OTUD7B: variants seen among roughly 807,000 people sequenced by gnomAD.
OTUD7B encodes OTU deubiquitinase 7B.
In OTUD7B, 34 loss-of-function variants were observed where a neutral mutation model predicts 82.2. The ratio of observed to expected loss-of-function variants is 0.41; its 90% CI spans 0.31 to 0.55. OTUD7B has a LOEUF of 0.55. OTUD7B is among the 20% of genes least tolerant of loss of function. The pLI is 0.20. For synonymous variants in OTUD7B, 398 were observed against 402.7 expected, an observed-to-expected ratio of 0.99 and a Z score of 0.14; for missense variants, 944 against 1,062.1, an observed-to-expected ratio of 0.89 and a Z score of 1.55.
At chr1:149,995,836 C>T (rs1553783252) in intron 1 of OTUD7B, among the ~76,000 whole-genome samples, 1 of 152,188 alleles carries the variant, frequency 6.6e-6, no homozygotes, top group East Asian at 1.9e-4. Flanking sequence ...AACAAGTCCT[C>T]TCTTAGATAG....
chr1:149,997,105 G>C (rs1281628864), intron 1 of OTUD7B, among the ~76,000 whole-genome samples: 2 of 152,178 alleles, frequency 1.3e-5, no homozygotes, highest in Non-Finnish European at 2.9e-5. Context: ...TTAAATAACA[G>C]TGCCAGTCCC....
At chr1:149,973,899 C>T (rs1277850582) in intron 2 of OTUD7B, among the ~76,000 whole-genome samples, 2 of 149,674 alleles carry the variant, frequency 1.3e-5, no homozygotes, top group Non-Finnish European at 3.0e-5. Flanking sequence ...TTTCTGTTGC[C>T]CAGGCTGGAG....
chr1:149,981,299 A>G (rs868915492), intron 1 of OTUD7B, among the ~76,000 whole-genome samples: 1 of 152,222 alleles, frequency 6.6e-6, no homozygotes, highest in African/African-American at 2.4e-5. Context: ...GAATCCTTCT[A>G]TTACATCTCT....
chr1:150,005,073 A>C (rs1018689774), intron 1 of OTUD7B, among the ~76,000 whole-genome samples: 10 of 152,154 alleles, frequency 6.6e-5, no homozygotes, highest in African/African-American at 2.4e-4. Context: ...CCTCTGTGAC[A>C]TAACTACCTG....
the OTUD7B span, among the ~76,000 whole-genome samples, chr1:150,022,355 G>C: frequency 7.1e-6 from 1 of 139,966 alleles, no homozygotes; most frequent in Admixed American, 7.9e-5. Flanking sequence ...CCAAGATCGT[G>C]CCATTGCACT....
chr1:149,943,830 C>T lies in OTUD7B; in HGVS notation c.*27G>A. On this transcript the variant is annotated 3_prime_UTR_variant, in exon 12 of 12. Transcript: ENST00000581312. ...TTAGTTGAGCTTAACTTTGTTTAGC[C>T]TCCTTGCCCTTCAGTGTTCCACCCG... 6.2e-7 allele frequency: 1 copy of T among 1,606,900 alleles called. No homozygotes were observed. Among genetic ancestry groups the T allele is most frequent in the Non-Finnish European group, 8.5e-7 (1 of 1,175,114 alleles).
chr1:149,961,625 T>C (rs1444303753), intron 6 of OTUD7B: 2 of 152,366 alleles, frequency 1.3e-5, no homozygotes, highest in African/African-American at 4.8e-5. Context: ...AGTGCTGGGA[T>C]TACAGGCATG....
At chr1:149,952,754 G>A (rs1156771073) in intron 7 of OTUD7B, among the ~76,000 whole-genome samples, 1 of 152,198 alleles carries the variant, frequency 6.6e-6, no homozygotes, top group African/African-American at 2.4e-5. Context: ...TAACTGGTGT[G>A]AGATGGTATC....
intron 1 of OTUD7B, among the ~76,000 whole-genome samples, chr1:149,994,746 G>GACTACC (rs1651819772): frequency 6.6e-6 from 1 of 152,086 alleles, no homozygotes; most frequent in South Asian, 2.1e-4. Context: ...GAGTAGCTAG[G>GACTACC]ACTACCGGCG....
the OTUD7B span, among the ~76,000 whole-genome samples, chr1:150,051,056 C>G: frequency 6.6e-6 from 1 of 151,714 alleles, no homozygotes; most frequent in Non-Finnish European, 1.5e-5. Flanking sequence ...TGGTGAAACC[C>G]TGTCTCTACT....
At chr1:150,016,386 C>T in the OTUD7B span, among the ~76,000 whole-genome samples, 1 of 151,950 alleles carries the variant, frequency 6.6e-6, no homozygotes, top group East Asian at 1.9e-4. Context: ...ATATTAACAA[C>T]CGGTTCTCCA....
At chr1:150,059,048 C>CTTT in the OTUD7B span, among the ~76,000 whole-genome samples, 40 of 140,982 alleles carry the variant, frequency 2.8e-4, no homozygotes, top group African/African-American at 8.3e-4. Context: ...TTCTTACTTT[C>CTTT]TTTTCTTTTT....
chr1:150,033,782 C>T, the OTUD7B span, among the ~76,000 whole-genome samples: 1 of 152,072 alleles, frequency 6.6e-6, no homozygotes, highest in Non-Finnish European at 1.5e-5. Context: ...AGTATAGTGG[C>T]GCGAACTTGG....
chr1:150,010,908 C>T (rs897012176), upstream of OTUD7B, among the ~76,000 whole-genome samples: 3 of 152,200 alleles, frequency 2.0e-5, no homozygotes, highest in African/African-American at 7.2e-5. Context: ...GTTTTCCCGA[C>T]CCGAGTCCCT....
chr1:150,004,366 C>T (rs1553785626), intron 1 of OTUD7B, among the ~76,000 whole-genome samples: 1 of 152,046 alleles, frequency 6.6e-6, no homozygotes, highest in Non-Finnish European at 1.5e-5. Flanking sequence ...TTGAGACCAG[C>T]CTGGCCAACA....
At chr1:149,998,504 T>A (rs1332517128) in intron 1 of OTUD7B, among the ~76,000 whole-genome samples, 2 of 152,228 alleles carry the variant, frequency 1.3e-5, no homozygotes, top group African/African-American at 4.8e-5. Flanking sequence ...TGAGCTCAGC[T>A]CACTGGTTCT....
intron 7 of OTUD7B, among the ~76,000 whole-genome samples, chr1:149,958,322 CTTTTTTTTTTT>C (rs34299927): frequency 3.5e-5 from 3 of 86,394 alleles, no homozygotes; most frequent in South Asian, 5.0e-4. Context: ...AAAGGACTAC[CTTTTTTTTTTT>C]TTTTTTTTTT....
the OTUD7B span, chr1:150,054,562 C>G: frequency 1.2e-5 from 5 of 428,260 alleles, no homozygotes; most frequent in Admixed American, 1.3e-4. Flanking sequence ...AATCCCAGCA[C>G]TTTGGGAGGC....
the OTUD7B span, among the ~76,000 whole-genome samples, chr1:150,025,252 T>C: frequency 2.0e-5 from 3 of 151,544 alleles, no homozygotes; most frequent in East Asian, 3.9e-4. Flanking sequence ...AGAAACCCTG[T>C]CTCTACTAAA....
Sources: gnomAD v4.1 joint callset for allele counts (sites outside exome capture counted in the v4.1 genomes callset) on GRCh38, gnomAD v4.1.1 for gene constraint, MANE v1.5 for transcripts, NCBI Gene and HGNC (gene_info 2026-07-23, HGNC 2026-07-21) for gene names.